The following SPEG variants were observed in gnomAD, a reference collection of about 807,000 sequenced individuals.
SPEG encodes striated muscle preferentially expressed protein kinase.
A neutral mutation model predicts 300.4 loss-of-function variants in SPEG; 114 were observed. The observed-to-expected ratio is 0.38, with a 90% CI of 0.33 to 0.44. SPEG has a LOEUF of 0.44. SPEG is among the 20% of genes least tolerant of loss of function. The pLI, the probability that SPEG is intolerant of heterozygous loss-of-function variation, is 1.00. For missense variants in SPEG, 4,201 were observed against 4,586.2 expected, an observed-to-expected ratio of 0.92 and a Z score of 2.43; for synonymous variants, 1,964 against 2,018.9, an observed-to-expected ratio of 0.97 and a Z score of 0.73.
Position 219,488,810 on chromosome 2 carries a change from C to A in SPEG, c.8059C>A (p.Pro2687Thr), listed in dbSNP as rs13026308. Reference protein sequence around the residue: ...VPGKLAPPEVPQTYQDTALVL... With the variant: ...VPGKLAPPEVTQTYQDTALVL... ...AGGAAAGCTAGCTCCTCCAGAGGTA[C>A]CCCAGACCTACCAGGACACGGCGCT... Residue 2687 changes from proline (P) to threonine (T), a missense_variant, in exon 34 of 41, where the codon CCC (proline) becomes ACC (threonine). Physicochemically the swap from Pro to Thr is conservative, Grantham distance 38 (BLOSUM62 -1). This residue lies in a region of SPEG where 1,578 missense variants were observed against 1,506.0 expected (regional missense o/e 1.05). Coordinates refer to ENST00000312358, the MANE Select transcript of SPEG (RefSeq NM_005876.5). 0.13 allele frequency: 212,785 copies of A among 1,597,788 alleles called. 15,138 individuals carry two copies. Among genetic ancestry groups the A allele is most frequent in the Admixed American group, 0.16 (9,192 of 57,204 alleles).
chr2:219,444,507 G>T lies in SPEG; in HGVS notation c.389-146G>T. ...CCTGAGCAGCCCAGGCTGGGCAGGGGATGTGGGGAGCAAAAGAGAGGAGGT... is the reference window on the plus strand; with the variant it reads ...CCTGAGCAGCCCAGGCTGGGCAGGGTATGTGGGGAGCAAAAGAGAGGAGGT... On this transcript the variant is annotated intron_variant, in intron 1 of 40. Coordinates refer to ENST00000312358, the MANE Select transcript of SPEG (RefSeq NM_005876.5). This position sits in a 1 kb window ranked among gnomAD's most constrained non-coding sequence, Gnocchi z 7.8. 1 of 681,938 alleles carries T rather than the reference G, an allele frequency of 1.5e-6. No homozygotes were observed. Among genetic ancestry groups the T allele is most frequent in the Non-Finnish European group, 2.6e-6 (1 of 385,920 alleles). 42.2% of individuals were successfully genotyped at this position (681,938 alleles called of 1,614,324 possible). A position where few individuals can be genotyped will look rare whatever the true frequency, so the allele number is the denominator to read the frequency against.
At position 219,483,394 on chromosome 2, in the gene SPEG, A is replaced by C. The variant is rs372924696; in HGVS notation, c.5931A>C (p.Gly1977=). The part of the protein sequence containing the change: ...AATPMDWQEQ[G]RAPSQDQEAP... ...CCCCCATGGACTGGCAGGAGCAGGG[A>C]AGGGCTCCCTCTCAGGACCAGGAGG... Residue 1977 remains glycine (G), a synonymous_variant, in exon 30 of 41, where the codon GGA becomes GGC. Transcript: ENST00000312358. 16 of 1,596,220 alleles carry C rather than the reference A, an allele frequency of 1.0e-5. No individual in the cohort carries two copies. Among genetic ancestry groups the C allele is most frequent in the Non-Finnish European group, 1.4e-5 (16 of 1,175,600 alleles).
rs898077303 is a variant in SPEG at position 219,480,884 on chromosome 2, A to T, written c.5369+187A>T. ...ACTCTGCCTGTCCCCACACCCCTCC[A>T]TAAGAGGTGGGCACCCTAGATGGAG... On this transcript the variant is annotated intron_variant, in intron 26 of 40. Coordinates refer to ENST00000312358, the MANE Select transcript of SPEG (RefSeq NM_005876.5). The surrounding 1 kb of genome is among the most constrained non-coding windows in gnomAD (Gnocchi z 5.3). Among the ~76,000 whole-genome samples, 8 of 151,754 alleles carry T rather than the reference A, an allele frequency of 5.3e-5. No individual in the cohort carries two copies. Among genetic ancestry groups the T allele is most frequent in the African/African-American group, 1.9e-4 (8 of 41,312 alleles).
chr2:219,451,276 C>A lies in SPEG; in HGVS notation c.2254C>A (p.Gln752Lys). 1 of 1,606,906 alleles carries A rather than the reference C, an allele frequency of 6.2e-7. No individual in the cohort carries two copies. The highest frequency in any genetic ancestry group is 1.1e-5 in the South Asian group (1 of 89,996). Reference sequence around the variant, plus strand: ...TATCATCACTGCCAACCCCCCGCCCCAAGGTGAGCTCCAGCACTGGGCCAA... The same window carrying A: ...TATCATCACTGCCAACCCCCCGCCCAAAGGTGAGCTCCAGCACTGGGCCAA... ...KCIITANPPP[Q>K]VSWHKDGSAL... The change falls in exon 5 of 41, where the codon CAA becomes AAA. Residue 752 changes from glutamine (Q) to lysine (K), a missense_variant. Gln to Lys is a moderately conservative substitution (Grantham distance 53). Coordinates refer to ENST00000312358, the MANE Select transcript of SPEG (RefSeq NM_005876.5). This position sits in a 1 kb window ranked among gnomAD's most constrained non-coding sequence, Gnocchi z 6.4.
rs367920348 is a variant in SPEG at position 219,468,628 on chromosome 2, C to A, written c.3193C>A (p.Leu1065Met). ...GACCGTGCGGCCCTCGTTGGCACCCCTGTTCACACGGCTGCTGGAAGATGT... is the reference window on the plus strand; with the variant it reads ...GACCGTGCGGCCCTCGTTGGCACCCATGTTCACACGGCTGCTGGAAGATGT... ...RLTVRPSLAP[L>M]FTRLLEDVEV... The change falls in exon 11 of 41, where the codon CTG becomes ATG. Residue 1065 changes from leucine (L) to methionine (M), a missense_variant. Coordinates refer to ENST00000312358, the MANE Select transcript of SPEG (RefSeq NM_005876.5). The A allele has an allele frequency of 9.3e-6, 15 of 1,613,898 alleles. No homozygotes were observed. The highest frequency in any genetic ancestry group is 1.3e-5 in the Non-Finnish European group (15 of 1,180,020).
Position 219,464,390 on chromosome 2 carries a change from C to G in SPEG, c.2706-43C>G, listed in dbSNP as rs1023261994. ...AGCCCCAGTTCCTGTGCACGCACAT[C>G]AGGCCCCTGGGCCCTGGGACTGAGT... On this transcript the variant is annotated intron_variant, in intron 8 of 40. Transcript: ENST00000312358. This position sits in a 1 kb window ranked among gnomAD's most constrained non-coding sequence, Gnocchi z 4.5. 4 of 1,577,824 alleles carry G rather than the reference C, an allele frequency of 2.5e-6. No individual in the cohort carries two copies. The highest frequency in any genetic ancestry group is 2.2e-5 in the East Asian group (1 of 44,680).
Position 219,477,976 on chromosome 2 carries a change from C to G in SPEG, c.4898C>G (p.Pro1633Arg), listed in dbSNP as rs1489711817. 2 of 1,614,190 alleles carry G rather than the reference C, an allele frequency of 1.2e-6. No individual in the cohort carries two copies. The highest frequency in any genetic ancestry group is 1.7e-6 in the Non-Finnish European group (2 of 1,180,040). The change falls in exon 22 of 41, where the codon CCC becomes CGC. Residue 1633 changes from proline (P) to arginine (R), a missense_variant. Around this residue, in one of 4 missense-constraint regions of SPEG, gnomAD observed 1,047 missense variants for 1,356.8 expected, o/e 0.77. Transcript: ENST00000312358. The surrounding 1 kb of genome is among the most constrained non-coding windows in gnomAD (Gnocchi z 6.4). ...CTGGAGTTTGCGGCCAAGTTCATCCCCAGCCAGGCCAAGCCAAAGGCATCA... is the reference window on the plus strand; with the variant it reads ...CTGGAGTTTGCGGCCAAGTTCATCCGCAGCCAGGCCAAGCCAAAGGCATCA... ...SGLEFAAKFI[P>R]SQAKPKASAR...
Position 219,473,548 on chromosome 2 carries a change from A to G in SPEG, c.4192A>G (p.Ile1398Val), listed in dbSNP as rs977352584. 6.2e-7 allele frequency: 1 copy of G among 1,614,122 alleles called. No homozygotes were observed. Residue 1398 changes from isoleucine (I) to valine (V), a missense_variant, in exon 17 of 41, where the codon ATC becomes GTC. Coordinates refer to ENST00000312358, the MANE Select transcript of SPEG (RefSeq NM_005876.5). This position sits in a 1 kb window ranked among gnomAD's most constrained non-coding sequence, Gnocchi z 4.6. ...EAPAMLDKPDIVYVVEGQPAS... is the reference protein window; with the variant it reads ...EAPAMLDKPDVVYVVEGQPAS... ...CCCTGCCATGCTGGACAAACCAGAC[A>G]TCGTGTATGTGGTGGAGGGACAGCC...
rs1694138362 is a variant in SPEG, at chr2:219,493,327, G to A, written c.*541G>A. The stretch of plus-strand genomic sequence containing the variant: ...GAAGAGAGGACTCAGGTGGAGGTGG[G>A]GTGGGTCAGCTGTCAGCATCCCTCA... On this transcript the variant is annotated 3_prime_UTR_variant, in exon 41 of 41. Coordinates refer to ENST00000312358, the MANE Select transcript of SPEG (RefSeq NM_005876.5). 2.8e-5 allele frequency: 10 copies of A among 356,726 alleles called. No individual in the cohort carries two copies. Among genetic ancestry groups the A allele is most frequent in the South Asian group, 2.1e-4 (10 of 47,720 alleles). 22.1% of individuals were successfully genotyped at this position (356,726 alleles called of 1,614,324 possible). A position where few individuals can be genotyped will look rare whatever the true frequency, so the allele number is the denominator to read the frequency against.
intron 15 of SPEG, 45 bp from the exon 16 acceptor site, chr2:219,472,845 T>A: frequency 2.0e-6 from 3 of 1,510,462 alleles, no homozygotes; most frequent in Non-Finnish European, 2.7e-6. Context: ...GGGGAGGGGT[T>A]ACTGCTCCTG....
chr2:219,465,940 CG>C, intron 9 of SPEG: 1 of 683,622 alleles, frequency 1.5e-6, no homozygotes, highest in South Asian at 1.8e-5. Flanking sequence ...TGTGCGTGCA[CG>C]TGTGCGTGCA....
Position 219,444,054 on chromosome 2 carries a change from G to C in SPEG, c.389-599G>C. 2.3e-5 allele frequency: 32 copies of C among 1,365,666 alleles called. No homozygotes were observed. Among genetic ancestry groups the C allele is most frequent in the Non-Finnish European group, 3.0e-5 (31 of 1,021,564 alleles). 84.6% of individuals were successfully genotyped at this position (1,365,666 alleles called of 1,614,324 possible). On this transcript the variant is annotated intron_variant, in intron 1 of 40. Transcript: ENST00000312358. The surrounding 1 kb of genome is among the most constrained non-coding windows in gnomAD (Gnocchi z 7.8). ...GTTTTCCGCTCCTGCAGAAAGCAAAGTTACGGTAGGAAACTGGCTCCTGCT... is the reference window on the plus strand; with the variant it reads ...GTTTTCCGCTCCTGCAGAAAGCAAACTTACGGTAGGAAACTGGCTCCTGCT...
chr2:219,484,493 C>T lies in SPEG; in HGVS notation c.7030C>T (p.Pro2344Ser), dbSNP rs777173188. 1 of 1,607,940 alleles carries T rather than the reference C, an allele frequency of 6.2e-7. No homozygotes were observed. The highest frequency in any genetic ancestry group is 1.1e-5 in the South Asian group (1 of 90,816). ...CAAGTTCAAGCGCAGCCGCGAGTCG[C>T]CCCTGTCGCTGGGGCTGCGGCTGCT... ...EAKFKRSRESPLSLGLRLLSR... is the reference protein window; with the variant it reads ...EAKFKRSRESSLSLGLRLLSR... The change falls in exon 30 of 41, where the codon CCC (proline) becomes TCC (serine). Residue 2344 changes from proline to serine, a missense_variant. This residue lies in a region of SPEG where 1,578 missense variants were observed against 1,506.0 expected (regional missense o/e 1.05). Coordinates refer to ENST00000312358, the MANE Select transcript of SPEG (RefSeq NM_005876.5).
In SPEG at chr2:219,448,221, G is replaced by A. The variant is rs1211847297; in HGVS notation, c.1063G>A (p.Gly355Arg). Residue 355 changes from glycine (G) to arginine (R), a missense_variant, in exon 4 of 41, where the codon GGG becomes AGG. Gly to Arg is a moderately radical substitution (Grantham distance 125, BLOSUM62 -2). This residue lies in a region of SPEG where 1,258 missense variants were observed against 1,293.9 expected (regional missense o/e 0.97). Coordinates refer to ENST00000312358, the MANE Select transcript of SPEG (RefSeq NM_005876.5). ...PEDTTTEEKRGKKSKSSGPSL... is the reference protein window; with the variant it reads ...PEDTTTEEKRRKKSKSSGPSL... The stretch of plus-strand genomic sequence containing the variant: ...GGACACCACCACCGAAGAGAAGCGA[G>A]GGAAGAAGTCCAAGTCGTCCGGGCC... 1.9e-6 allele frequency: 3 copies of A among 1,612,532 alleles called. No homozygotes were observed. The highest frequency in any genetic ancestry group is 2.2e-5 in the East Asian group (1 of 44,852).
intron 18 of SPEG, among the ~76,000 whole-genome samples, chr2:219,475,841 C>A (rs1215524068): frequency 6.6e-6 from 1 of 152,206 alleles, no homozygotes; most frequent in Admixed American, 6.5e-5. Context: ...CCAGACAGGG[C>A]AAGTGGAGTG....
chr2:219,482,042 C>G, intron 28 of SPEG: 1 of 335,682 alleles, frequency 3.0e-6, no homozygotes, highest in Non-Finnish European at 5.5e-6. Context: ...CACACAATAG[C>G]GTTGGGGGTG....
Position 219,485,349 on chromosome 2 carries a change from C to T in SPEG, c.7613C>T (p.Pro2538Leu), listed in dbSNP as rs1211750657. ...TCACGGGCCTGAGTCTTCACAGCCC[C>T]AGGGGAAAGCCGAAGCCGGCTCCGC... ...EASATSGSSA[P>L]GESRSRLRWG... The change falls in exon 31 of 41, where the codon CCA (proline) becomes CTA (leucine). Residue 2538 changes from proline to leucine, a missense_variant. Physicochemically the swap from Pro to Leu is moderately conservative, Grantham distance 98. This residue lies in a region of SPEG where 1,578 missense variants were observed against 1,506.0 expected (regional missense o/e 1.05). Coordinates refer to ENST00000312358, the MANE Select transcript of SPEG (RefSeq NM_005876.5). 6.2e-7 allele frequency: 1 copy of T among 1,605,800 alleles called. No individual in the cohort carries two copies. Among genetic ancestry groups the T allele is most frequent in the Admixed American group, 1.7e-5 (1 of 58,292 alleles).
intron 6 of SPEG, among the ~76,000 whole-genome samples, chr2:219,457,956 C>T (rs1690320301): frequency 6.6e-6 from 1 of 152,192 alleles, no homozygotes; most frequent in African/African-American, 2.4e-5. Flanking sequence ...AAGTCATCTC[C>T]CGCCTTCTAT....
At chr2:219,483,038 TG>T (rs1436909955) in intron 29 of SPEG, 59 bp from the exon 30 acceptor site, 14 of 1,537,318 alleles carry the variant, frequency 9.1e-6, no homozygotes, top group South Asian at 3.6e-5. Context: ...GAGGTGGGCC[TG>T]GGGGGGACAA....
Sources: gnomAD v4.1 joint callset for allele counts (sites outside exome capture counted in the v4.1 genomes callset) on GRCh38, gnomAD v4.1.1 for gene constraint, gnomAD v4.1.1 regional missense constraint, Gnocchi (gnomAD v3.1) non-coding constraint, MANE v1.5 for transcripts, NCBI Gene and HGNC (gene_info 2026-07-23, HGNC 2026-07-21) for gene names.